The following WWOX variants were observed in gnomAD, a reference collection of about 807,000 sequenced individuals.
WWOX encodes WW domain containing oxidoreductase, also known as WW domain-containing oxidoreductase.
WWOX carries 69 observed loss-of-function variants against 46.2 expected under a neutral mutation model. That is an observed-to-expected ratio of 1.49 (90% CI 1.23 to 1.82). WWOX has a LOEUF of 1.82. Among genes scored for constraint, WWOX ranks in the 40% most tolerant of loss-of-function variants. The probability of loss-of-function intolerance (pLI) is 0.00; values close to 1 mark genes in which losing one functional copy is unlikely to be tolerated. For missense variants in WWOX, 919 were observed against 542.6 expected, an observed-to-expected ratio of 1.69 and a Z score of -6.89; for synonymous variants, 359 against 202.6, an observed-to-expected ratio of 1.77 and a Z score of -6.56.
chr16:78,270,150 A>G (rs1320163729), intron 5 of WWOX: 1 of 152,138 alleles, frequency 6.6e-6, no homozygotes, highest in Non-Finnish European at 1.5e-5. Flanking sequence ...GTTCATAGAA[A>G]AAGACCCCTG....
At chr16:78,601,911 A>T (rs756561661) in intron 8 of WWOX, among the ~76,000 whole-genome samples, 3 of 152,132 alleles carry the variant, frequency 2.0e-5, no homozygotes, top group Non-Finnish European at 2.9e-5. Flanking sequence ...TCATGATCCA[A>T]TTGTTTTATT....
chr16:79,012,260 C>T lies in WWOX; in HGVS notation c.1057-199348C>T, dbSNP rs540302314. ...CTTAATTTTTCTTTTTGAGATGGAG[C>T]CTCGCTCTGTCACCTAGGCTAGAGT... is the stretch of plus-strand genomic sequence containing the variant. On this transcript the variant is annotated intron_variant, in intron 8 of 8. Coordinates refer to ENST00000566780, the MANE Select transcript of WWOX (RefSeq NM_016373.4). Among the ~76,000 whole-genome samples the T allele has an allele frequency of 3.3e-5, 5 of 152,004 alleles. No individual in the cohort carries two copies. The East Asian group carries it at 5.8e-4, about 18-fold the overall frequency.
chr16:78,707,886 T>G (rs1000624863), intron 8 of WWOX, among the ~76,000 whole-genome samples: 4 of 129,644 alleles, frequency 3.1e-5, no homozygotes, highest in Admixed American at 1.6e-4. Context: ...AATAAATAAA[T>G]AAAGTATCTG....
intron 8 of WWOX, among the ~76,000 whole-genome samples, chr16:78,544,799 C>G (rs1003654461): frequency 6.6e-6 from 1 of 152,026 alleles, no homozygotes; most frequent in Non-Finnish European, 1.5e-5. Context: ...CACTTCAGCC[C>G]AGAAGTTCAA....
intron 5 of WWOX, among the ~76,000 whole-genome samples, chr16:78,294,904 G>A (rs978197607): frequency 6.6e-6 from 1 of 152,160 alleles, no homozygotes; most frequent in African/African-American, 2.4e-5. Flanking sequence ...TGTATGAGTG[G>A]GTCAAGAACA....
At chr16:78,126,768 A>G (rs2033379955) in intron 4 of WWOX, among the ~76,000 whole-genome samples, 1 of 152,158 alleles carries the variant, frequency 6.6e-6, no homozygotes. Context: ...TTGCTTTGGT[A>G]CCCGCATTTA....
chr16:78,410,283 A>T lies in WWOX; in HGVS notation c.606-14587A>T, dbSNP rs376236466. Among the ~76,000 whole-genome samples, 14 of 152,264 alleles carry T rather than the reference A, an allele frequency of 9.2e-5. No homozygotes were observed. In the East Asian group the frequency reaches 1.5e-3, roughly 17 times the overall value. On this transcript the variant is annotated intron_variant, in intron 6 of 8. Transcript: ENST00000566780. Reference sequence around the variant, plus strand: ...CATTATAAATTATCCAGCCTCAGTTACTTCTTTATTGCAGTGCAAGAATAG... The same window carrying T: ...CATTATAAATTATCCAGCCTCAGTTTCTTCTTTATTGCAGTGCAAGAATAG...
intron 8 of WWOX, among the ~76,000 whole-genome samples, chr16:78,655,577 G>A (rs1220026100): frequency 6.6e-6 from 1 of 152,060 alleles, no homozygotes; most frequent in East Asian, 1.9e-4. Context: ...AACAATTGAT[G>A]CACTTTAATT....
At chr16:78,246,129 C>T (rs2037807870) in intron 5 of WWOX, among the ~76,000 whole-genome samples, 2 of 152,108 alleles carry the variant, frequency 1.3e-5, no homozygotes, top group South Asian at 4.1e-4. Flanking sequence ...TTTGGAGCAT[C>T]TGTGCATTTT....
intron 8 of WWOX, among the ~76,000 whole-genome samples, chr16:78,848,488 C>G (rs1474172458): frequency 2.6e-5 from 4 of 152,152 alleles, no homozygotes; most frequent in Non-Finnish European, 1.5e-5. Context: ...TCAGGAGCGA[C>G]TGGGCATGAG....
rs34862048 is a variant in WWOX at position 78,110,339 on chromosome 16, CAAA to C, written c.230+524_230+526del. ...TGGGTGACAGAATGAGACTCCTTCT[CAAA>C]AAAAAAAAAAAAAAAAAAAGAGGGA... is the stretch of plus-strand genomic sequence containing the variant. On this transcript the variant is annotated intron_variant, in intron 3 of 8. Coordinates refer to ENST00000566780, the MANE Select transcript of WWOX (RefSeq NM_016373.4). Among the ~76,000 whole-genome samples the C allele has an allele frequency of 5.2e-3, 443 of 85,650 alleles. 1 individual carries two copies. The highest frequency in any genetic ancestry group is 6.7e-3 in the Non-Finnish European group (304 of 45,686). The allele number at this position is 85,650 out of a possible 152,430, so 56.2% of individuals were successfully genotyped here.
intron 8 of WWOX, among the ~76,000 whole-genome samples, chr16:78,520,736 G>C (rs60557070): frequency 6.6e-6 from 1 of 151,744 alleles, no homozygotes; most frequent in African/African-American, 2.4e-5. Flanking sequence ...CCTGTACCAC[G>C]GCCAATGATT....
intron 8 of WWOX, among the ~76,000 whole-genome samples, chr16:79,084,887 G>C (rs2048825877): frequency 6.6e-6 from 1 of 152,088 alleles, no homozygotes; most frequent in Non-Finnish European, 1.5e-5. Flanking sequence ...TACAGACACG[G>C]TCACCCTGTC....
At chr16:78,141,085 A>G (rs2033969300) in intron 4 of WWOX, among the ~76,000 whole-genome samples, 1 of 152,224 alleles carries the variant, frequency 6.6e-6, no homozygotes, top group Non-Finnish European at 1.5e-5. Flanking sequence ...ATCAGACATT[A>G]GGAACCAAGG....
intron 8 of WWOX, chr16:78,897,482 C>T (rs1299634038): frequency 1.3e-5 from 2 of 152,008 alleles, no homozygotes; most frequent in Non-Finnish European, 2.9e-5. Flanking sequence ...TGTGATTCAT[C>T]CATGTTGATG....
intron 5 of WWOX, among the ~76,000 whole-genome samples, chr16:78,316,447 A>G (rs909858816): frequency 6.6e-6 from 1 of 151,948 alleles, no homozygotes; most frequent in Non-Finnish European, 1.5e-5. Context: ...GGTTCAAGCG[A>G]TTCTCCTGCC....
At chr16:78,255,271 A>T (rs910229824) in intron 5 of WWOX, among the ~76,000 whole-genome samples, 8 of 152,216 alleles carry the variant, frequency 5.3e-5, no homozygotes, top group Admixed American at 5.2e-4. Context: ...AACAGCTCCT[A>T]GGTTTTCTTA....
At position 78,306,966 on chromosome 16, in the gene WWOX, C is replaced by G. The variant is rs533449181; in HGVS notation, c.517-79894C>G. On this transcript the variant is annotated intron_variant, in intron 5 of 8. Coordinates refer to ENST00000566780, the MANE Select transcript of WWOX (RefSeq NM_016373.4). ...TTCCAGTATTATCTGTTTCATAACC[C>G]ATTTCCAACCTTCTGGGTTTTTTCC... Among the ~76,000 whole-genome samples, 4 of 152,322 alleles carry G rather than the reference C, an allele frequency of 2.6e-5. No individual in the cohort carries two copies. In the East Asian group the frequency reaches 7.7e-4, roughly 29 times the overall value.
intron 8 of WWOX, among the ~76,000 whole-genome samples, chr16:78,699,374 C>CAAA (rs57002311): frequency 0.04 from 5,028 of 127,146 alleles, 309 homozygotes; most frequent in African/African-American, 0.13. Context: ...ACAAAAAATA[C>CAAA]AAAAAAAAAA....
Sources: gnomAD v4.1 joint callset for allele counts (sites outside exome capture counted in the v4.1 genomes callset) on GRCh38, gnomAD v4.1.1 for gene constraint, MANE v1.5 for transcripts, NCBI Gene and HGNC (gene_info 2026-07-23, HGNC 2026-07-21) for gene names.